The following DCT variants were observed in gnomAD, a reference collection of about 807,000 sequenced individuals.
The protein encoded by DCT is L-dopachrome tautomerase.
In DCT, 47 loss-of-function variants were observed where a neutral mutation model predicts 53.0. That is an observed-to-expected ratio of 0.89 (90% CI 0.70 to 1.13). The LOEUF (loss-of-function observed/expected upper bound fraction) is 1.13. Among genes scored for constraint, DCT ranks in the 50% most tolerant of loss-of-function variants. The pLI, the probability that DCT is intolerant of heterozygous loss-of-function variation, is 0.00. For synonymous variants in DCT, 244 were observed against 237.0 expected, an observed-to-expected ratio of 1.03 and a Z score of -0.27; for missense variants, 669 against 637.4, an observed-to-expected ratio of 1.05 and a Z score of -0.53.
the DCT span, among the ~76,000 whole-genome samples, chr13:94,492,397 G>A: frequency 6.6e-6 from 1 of 152,184 alleles, no homozygotes; most frequent in East Asian, 1.9e-4. Flanking sequence ...CTAAGCTTGA[G>A]GTTCCCAGAA....
chr13:94,533,821 C>G, the DCT span, among the ~76,000 whole-genome samples: 1 of 152,070 alleles, frequency 6.6e-6, no homozygotes, highest in African/African-American at 2.4e-5. Flanking sequence ...ATGTCTCTTA[C>G]CAACTCAATT....
At chr13:94,449,930 T>C (rs993086782) in intron 6 of DCT, among the ~76,000 whole-genome samples, 8 of 152,190 alleles carry the variant, frequency 5.3e-5, no homozygotes, top group Non-Finnish European at 1.0e-4. Context: ...CAGTGACTGA[T>C]GAGAAACAAT....
upstream of DCT, among the ~76,000 whole-genome samples, chr13:94,482,448 C>T (rs1039372028): frequency 6.6e-5 from 10 of 152,174 alleles, no homozygotes; most frequent in Non-Finnish European, 7.3e-5. Context: ...GAGAGGCCTT[C>T]CATGATATTT....
intron 6 of DCT, among the ~76,000 whole-genome samples, chr13:94,457,361 T>A (rs1366054009): frequency 6.6e-6 from 1 of 151,810 alleles, no homozygotes; most frequent in East Asian, 1.9e-4. Context: ...CATCAGAGAG[T>A]TTATTCTCTC....
At chr13:94,547,962 C>CAAAAAAAAAAAA in the DCT span, among the ~76,000 whole-genome samples, 2 of 67,904 alleles carry the variant, frequency 2.9e-5, no homozygotes, top group African/African-American at 2.6e-4. Context: ...AACTCCGTCT[C>CAAAAAAAAAAAA]AAAAAAAAAA....
In DCT at chr13:94,439,732, G is replaced by T; in HGVS notation, c.*166C>A. On this transcript the variant is annotated 3_prime_UTR_variant, in exon 8 of 8. Transcript: ENST00000377028. ...TGGGTTTGTTAAACAAGCAAGCAAA[G>T]CGGAAACTACAGCTAAGCATCTTCT... The T allele has an allele frequency of 2.0e-6, 1 of 494,604 alleles. No individual in the cohort carries two copies. Among genetic ancestry groups the T allele is most frequent in the Non-Finnish European group, 3.4e-6 (1 of 290,356 alleles). 30.6% of individuals were successfully genotyped at this position (494,604 alleles called of 1,614,324 possible).
chr13:94,472,517 CATACATATATATAT>C (rs1398082767), intron 1 of DCT, among the ~76,000 whole-genome samples: 1,446 of 47,620 alleles, frequency 0.03, 77 homozygotes, highest in Middle Eastern at 0.071. Flanking sequence ...TATATACATA[CATACATATATATAT>C]ATATATATAT....
At chr13:94,471,065 A>T (rs1884615863) in intron 1 of DCT, among the ~76,000 whole-genome samples, 1 of 152,232 alleles carries the variant, frequency 6.6e-6, no homozygotes, top group South Asian at 2.1e-4. Context: ...AACTACAAGT[A>T]GCAAAATAGA....
chr13:94,527,096 G>A, the DCT span, among the ~76,000 whole-genome samples: 1 of 152,176 alleles, frequency 6.6e-6, no homozygotes, highest in African/African-American at 2.4e-5. Flanking sequence ...TGGGCCTTGA[G>A]TAGCTCACAG....
the DCT span, among the ~76,000 whole-genome samples, chr13:94,499,025 T>A: frequency 6.6e-6 from 1 of 152,110 alleles, no homozygotes; most frequent in African/African-American, 2.4e-5. Context: ...AATAAGGGAA[T>A]AAAAGCTGGC....
At chr13:94,497,876 ATGTG>A in the DCT span, among the ~76,000 whole-genome samples, 2 of 151,450 alleles carry the variant, frequency 1.3e-5, no homozygotes, top group Admixed American at 1.3e-4. Context: ...GGTCACCTAT[ATGTG>A]TGTGTGTGTG....
chr13:94,460,070 A>C, intron 6 of DCT, 21 bp downstream of exon 6: 1 of 1,610,014 alleles, frequency 6.2e-7, no homozygotes, highest in Non-Finnish European at 8.5e-7. Context: ...ATTTTCATGC[A>C]TTCTGAATCT....
At chr13:94,498,137 G>A in the DCT span, among the ~76,000 whole-genome samples, 3 of 152,220 alleles carry the variant, frequency 2.0e-5, no homozygotes, top group African/African-American at 7.2e-5. Flanking sequence ...AATCCCCAAA[G>A]TTGGTGTGTC....
chr13:94,503,617 T>C, the DCT span, among the ~76,000 whole-genome samples: 1 of 152,076 alleles, frequency 6.6e-6, no homozygotes, highest in African/African-American at 2.4e-5. Context: ...AAGGCAGAGA[T>C]TGCAGTGATA....
At chr13:94,493,654 C>T in the DCT span, among the ~76,000 whole-genome samples, 21 of 152,068 alleles carry the variant, frequency 1.4e-4, no homozygotes, top group African/African-American at 4.1e-4. Context: ...GGGCTACATA[C>T]GATATGATTC....
chr13:94,520,749 A>G, the DCT span, among the ~76,000 whole-genome samples: 2 of 152,204 alleles, frequency 1.3e-5, no homozygotes, highest in Non-Finnish European at 2.9e-5. Flanking sequence ...TCCTGGCATC[A>G]TCTCCAGATC....
At chr13:94,450,674 G>A (rs1021018314) in intron 6 of DCT, among the ~76,000 whole-genome samples, 7 of 152,158 alleles carry the variant, frequency 4.6e-5, no homozygotes, top group African/African-American at 9.7e-5. Context: ...CAGATGCAGA[G>A]GACTACAGAA....
chr13:94,472,537 TA>T (rs1884737485), intron 1 of DCT, among the ~76,000 whole-genome samples: 1 of 25,892 alleles, frequency 3.9e-5, no homozygotes, highest in African/African-American at 2.0e-4. Context: ...TATATATATA[TA>T]TATATATATA....
chr13:94,500,958 T>C, the DCT span, among the ~76,000 whole-genome samples: 1 of 152,214 alleles, frequency 6.6e-6, no homozygotes, highest in Non-Finnish European at 1.5e-5. Context: ...CCTCACACAG[T>C]GATTTTTAGT....
Sources: allele counts gnomAD v4.1 joint callset (sites outside exome capture counted in the v4.1 genomes callset), GRCh38; gene constraint gnomAD v4.1.1; transcripts MANE v1.5; gene names NCBI Gene and HGNC (gene_info 2026-07-23, HGNC 2026-07-21).